GJB7: variants seen among roughly 807,000 people sequenced by gnomAD.
The protein encoded by GJB7 is gap junction beta-7 protein.
For synonymous variants in GJB7, 87 were observed against 95.2 expected (o/e 0.91, Z 0.50); for missense variants, 253 against 256.8 (o/e 0.99, Z 0.10).
chr6:87,314,020 G>C (rs541603712), intron 2 of GJB7, among the ~76,000 whole-genome samples: 1 of 152,302 alleles, frequency 6.6e-6, no homozygotes, highest in African/African-American at 2.4e-5. Flanking sequence ...GAAATCTTGT[G>C]AGTTCATCTG....
intron 2 of GJB7, among the ~76,000 whole-genome samples, chr6:87,297,134 G>A (rs1201456868): frequency 2.0e-5 from 3 of 152,156 alleles, no homozygotes; most frequent in Non-Finnish European, 2.9e-5. Context: ...GAGTTGGAGT[G>A]GCCACAGGAC....
intron 2 of GJB7, among the ~76,000 whole-genome samples, chr6:87,320,909 C>A (rs1297336022): frequency 6.6e-6 from 1 of 152,144 alleles, no homozygotes. Context: ...TAAAAGATGT[C>A]AGACTCTCTG....
intron 2 of GJB7, among the ~76,000 whole-genome samples, chr6:87,316,783 T>C (rs1352311976): frequency 6.6e-6 from 1 of 152,224 alleles, no homozygotes; most frequent in East Asian, 1.9e-4. Context: ...GCCCCATCTG[T>C]TTCTCCAGTG....
chr6:87,302,137 GA>G (rs1407774021), intron 2 of GJB7, among the ~76,000 whole-genome samples: 2 of 152,216 alleles, frequency 1.3e-5, no homozygotes, highest in African/African-American at 4.8e-5. Flanking sequence ...CCCTCCAAAG[GA>G]ATGCAGCTCC....
intron 2 of GJB7, among the ~76,000 whole-genome samples, chr6:87,313,505 T>C (rs1408715688): frequency 6.6e-6 from 1 of 152,214 alleles, no homozygotes; most frequent in African/African-American, 2.4e-5. Flanking sequence ...TGTCACTGTA[T>C]TCAAATAAAA....
intron 1 of GJB7, among the ~76,000 whole-genome samples, chr6:87,323,736 C>T (rs936110148): frequency 1.3e-5 from 2 of 152,054 alleles, no homozygotes; most frequent in African/African-American, 2.4e-5. Flanking sequence ...AATAAACATA[C>T]GTGTGCTTGT....
intron 2 of GJB7, among the ~76,000 whole-genome samples, chr6:87,315,993 G>C (rs555249390): frequency 1.3e-4 from 20 of 152,154 alleles, no homozygotes; most frequent in African/African-American, 4.3e-4. Context: ...ATTTGCAACT[G>C]AAATAACAGG....
chr6:87,284,212 C>A lies in GJB7; in HGVS notation c.*29G>T, dbSNP rs1406364003. On this transcript the variant is annotated 3_prime_UTR_variant, in exon 3 of 3. Coordinates refer to ENST00000525899, the MANE Select transcript of GJB7 (RefSeq NM_198568.3). The stretch of plus-strand genomic sequence containing the variant: ...AGTAGGGGAGGGGTCCCTCTCCTAC[C>A]ACATTCAACATATCTGAGGCTGTGG... 1.9e-6 allele frequency: 3 copies of A among 1,578,282 alleles called. No homozygotes were observed. The African/African-American group carries it at 4.1e-5, about 21-fold the overall frequency.
chr6:87,296,708 C>G (rs1342070423), intron 2 of GJB7, among the ~76,000 whole-genome samples: 2 of 151,978 alleles, frequency 1.3e-5, no homozygotes, highest in Non-Finnish European at 2.9e-5. Context: ...TGGGGAATAA[C>G]TATTACTCTT....
intron 2 of GJB7, among the ~76,000 whole-genome samples, chr6:87,303,665 C>A (rs1382179271): frequency 2.6e-5 from 4 of 152,150 alleles, no homozygotes; most frequent in African/African-American, 9.7e-5. Context: ...CAGCTCTGCA[C>A]CAAGCAGACC....
chr6:87,312,523 C>CAA (rs796298596), intron 2 of GJB7, among the ~76,000 whole-genome samples: 34 of 144,118 alleles, frequency 2.4e-4, no homozygotes, highest in African/African-American at 8.0e-4. Context: ...AAAAAAAAAA[C>CAA]AAAAAAAAAA....
chr6:87,287,908 A>G (rs1053751489), intron 2 of GJB7, among the ~76,000 whole-genome samples: 5 of 152,102 alleles, frequency 3.3e-5, no homozygotes, highest in African/African-American at 1.2e-4. Context: ...ATTTTTTTAA[A>G]AAAATTTTTT....
rs528017566 is a variant in GJB7 at position 87,308,340 on chromosome 6, T to C, written c.-28+14526A>G. On this transcript the variant is annotated intron_variant, in intron 2 of 2. Transcript: ENST00000525899. The stretch of plus-strand genomic sequence containing the variant: ...TGTATACATATGTAACAAACCTGCA[T>C]ATTCTGCACGTGTACCCTAGAACTT... Among the ~76,000 whole-genome samples the C allele has an allele frequency of 2.8e-3, 433 of 152,226 alleles. 5 individuals are homozygous for C. The highest frequency in any genetic ancestry group is 4.5e-3 in the Non-Finnish European group (309 of 68,002).
In GJB7 at chr6:87,284,532, G is replaced by T. The variant is rs774299202; in HGVS notation, c.381C>A (p.Ser127Arg). 6.2e-7 allele frequency: 1 copy of T among 1,614,122 alleles called. No individual in the cohort carries two copies. Among genetic ancestry groups the T allele is most frequent in the South Asian group, 1.1e-5 (1 of 91,080 alleles). Residue 127 changes from serine (S) to arginine (R), a missense_variant, in exon 3 of 3, where the codon AGC becomes AGA. Ser to Arg is a moderately radical substitution (Grantham distance 110, BLOSUM62 -1). Coordinates refer to ENST00000525899, the MANE Select transcript of GJB7 (RefSeq NM_198568.3). ...DGGLWYAYLI[S>R]LIVKTGFEIG... is the part of the protein sequence containing the mutation. ...TTTCAAAACCAGTTTTAACAATGAGGCTGATAAGATAAGCGTACCATAGGC... is the reference window on the plus strand; with the variant it reads ...TTTCAAAACCAGTTTTAACAATGAGTCTGATAAGATAAGCGTACCATAGGC...
At chr6:87,328,066 A>G (rs1372489875) in intron 1 of GJB7, among the ~76,000 whole-genome samples, 1 of 152,136 alleles carries the variant, frequency 6.6e-6, no homozygotes, top group African/African-American at 2.4e-5. Flanking sequence ...AGGCTTCTGC[A>G]TTCTTCACGT....
chr6:87,319,085 T>C (rs1283875270), intron 2 of GJB7, among the ~76,000 whole-genome samples: 1 of 152,238 alleles, frequency 6.6e-6, no homozygotes, highest in South Asian at 2.1e-4. Context: ...TTGGTCCCTT[T>C]GAATGTGTTT....
At chr6:87,304,176 A>G (rs1244394256) in intron 2 of GJB7, among the ~76,000 whole-genome samples, 6 of 152,196 alleles carry the variant, frequency 3.9e-5, no homozygotes, top group African/African-American at 1.4e-4. Context: ...AACGAAGATC[A>G]GAGGAGAACT....
At chr6:87,308,538 A>T (rs1354687640) in intron 2 of GJB7, among the ~76,000 whole-genome samples, 1 of 152,232 alleles carries the variant, frequency 6.6e-6, no homozygotes, top group African/African-American at 2.4e-5. Flanking sequence ...ATGAATATGT[A>T]TTTAACAAAA....
intron 2 of GJB7, among the ~76,000 whole-genome samples, chr6:87,298,284 C>G (rs1226036432): frequency 2.6e-5 from 4 of 152,246 alleles, no homozygotes; most frequent in African/African-American, 4.8e-5. Context: ...GCCAACCCAA[C>G]ATTCACCTTC....
Sources: allele counts gnomAD v4.1 joint callset (sites outside exome capture counted in the v4.1 genomes callset), GRCh38; gene constraint gnomAD v4.1.1; transcripts MANE v1.5; gene names NCBI Gene and HGNC (gene_info 2026-07-23, HGNC 2026-07-21).